BMPER: variants seen among roughly 807,000 people sequenced by gnomAD.
The protein encoded by BMPER is BMP binding endothelial regulator.
Under a neutral mutation model 87.3 loss-of-function variants are expected in BMPER, and 45 were observed. The observed-to-expected ratio is 0.52, with a 90% CI of 0.41 to 0.66. The LOEUF (loss-of-function observed/expected upper bound fraction) is 0.66, where lower values mean the gene tolerates loss of function less well. BMPER is among the 30% of genes least tolerant of loss of function. The pLI is 0.00. For synonymous variants in BMPER, 326 were observed against 316.2 expected, an observed-to-expected ratio of 1.03 and a Z score of -0.33; for missense variants, 784 against 867.5, an observed-to-expected ratio of 0.90 and a Z score of 1.21.
intron 3 of BMPER, among the ~76,000 whole-genome samples, chr7:33,940,945 T>A (rs1430696561): frequency 7.3e-6 from 1 of 136,998 alleles, no homozygotes; most frequent in Non-Finnish European, 1.5e-5. Context: ...AATTTATATA[T>A]GTAACATATA....
intron 10 of BMPER, among the ~76,000 whole-genome samples, chr7:34,059,744 GAAAAA>G (rs76980222): frequency 3.1e-4 from 40 of 127,046 alleles, no homozygotes; most frequent in African/African-American, 1.0e-3. Flanking sequence ...GGAAATTTTG[GAAAAA>G]AAAAAAAAAA....
chr7:34,095,908 T>C (rs1789517975), intron 13 of BMPER, among the ~76,000 whole-genome samples: 1 of 151,956 alleles, frequency 6.6e-6, no homozygotes, highest in African/African-American at 2.4e-5. Flanking sequence ...TGGCAAAGGA[T>C]CTAACGCTTC....
intron 6 of BMPER, among the ~76,000 whole-genome samples, chr7:33,991,744 G>T (rs1203966830): frequency 6.7e-6 from 1 of 149,890 alleles, no homozygotes; most frequent in African/African-American, 2.5e-5. Flanking sequence ...GCCTTCTCTT[G>T]TGGGCATTTA....
intron 9 of BMPER, 68 bp downstream of exon 9, chr7:34,055,371 C>G (rs1788256101): frequency 6.3e-7 from 1 of 1,595,724 alleles, no homozygotes; most frequent in Non-Finnish European, 8.6e-7. Context: ...GCTCCAGACA[C>G]TAGGCAGATT....
In BMPER at chr7:33,963,995, T is replaced by C. The variant is rs138256563; in HGVS notation, c.320-2484T>C. ...TTGTCTGTTTACCCTATTAGCAGCA[T>C]AAAGTTGGTGGCAAATAGAATTAAT... On this transcript the variant is annotated intron_variant, in intron 3 of 14. Coordinates refer to ENST00000649409, the MANE Select transcript of BMPER (RefSeq NM_001365308.1). 4.3e-4 allele frequency among the ~76,000 whole-genome samples: 65 copies of C among 152,294 alleles called. 2 individuals are homozygous for C. In the East Asian group the frequency reaches 0.012, roughly 29 times the overall value.
At chr7:34,112,446 A>G (rs1259330588) in intron 13 of BMPER, among the ~76,000 whole-genome samples, 4 of 132,638 alleles carry the variant, frequency 3.0e-5, no homozygotes, top group Non-Finnish European at 6.2e-5. Context: ...CAGTGAGCCG[A>G]GAGACGCCAC....
At chr7:33,929,783 C>A (rs558788827) in intron 2 of BMPER, among the ~76,000 whole-genome samples, 10 of 152,292 alleles carry the variant, frequency 6.6e-5, no homozygotes, top group African/African-American at 2.2e-4. Context: ...GGCTTGTTTG[C>A]AAGGGTTAAA....
At chr7:34,127,155 G>A (rs1023972089) in intron 13 of BMPER, among the ~76,000 whole-genome samples, 2 of 152,214 alleles carry the variant, frequency 1.3e-5, no homozygotes, top group African/African-American at 4.8e-5. Context: ...TGGTAAGAGA[G>A]AGTGAGAGAA....
intron 6 of BMPER, among the ~76,000 whole-genome samples, chr7:34,038,788 C>T (rs966302468): frequency 6.6e-6 from 1 of 152,142 alleles, no homozygotes; most frequent in Non-Finnish European, 1.5e-5. Flanking sequence ...TCGAGCTTTG[C>T]TGACATGTTC....
intron 12 of BMPER, 86 bp downstream of exon 12, chr7:34,079,272 A>T (rs1788950620): frequency 6.4e-7 from 1 of 1,557,346 alleles, no homozygotes; most frequent in Admixed American, 1.7e-5. Context: ...CACTCAGGAG[A>T]TGTGGTTCCT....
At chr7:34,038,508 A>G (rs1475229950) in intron 6 of BMPER, among the ~76,000 whole-genome samples, 5 of 152,178 alleles carry the variant, frequency 3.3e-5, no homozygotes, top group African/African-American at 1.2e-4. Flanking sequence ...GTTTTAAGAC[A>G]CTCCATTTGT....
At chr7:34,124,208 T>G (rs1790337851) in intron 13 of BMPER, among the ~76,000 whole-genome samples, 1 of 152,220 alleles carries the variant, frequency 6.6e-6, no homozygotes, top group Admixed American at 6.5e-5. Context: ...TAGGTACATC[T>G]TCTCCCATGA....
At chr7:33,972,553 C>G (rs1785575762) in intron 5 of BMPER, among the ~76,000 whole-genome samples, 1 of 152,114 alleles carries the variant, frequency 6.6e-6, no homozygotes, top group African/African-American at 2.4e-5. Flanking sequence ...CAAGAAGAAA[C>G]TAGGCCCACC....
intron 2 of BMPER, among the ~76,000 whole-genome samples, chr7:33,936,217 G>A (rs761820007): frequency 6.6e-6 from 1 of 152,142 alleles, no homozygotes; most frequent in Non-Finnish European, 1.5e-5. Flanking sequence ...TAATACATAT[G>A]CCAAGAGAGT....
intron 11 of BMPER, among the ~76,000 whole-genome samples, chr7:34,075,206 C>T (rs1009173213): frequency 1.3e-5 from 2 of 152,122 alleles, no homozygotes; most frequent in East Asian, 1.9e-4. Flanking sequence ...TCTTATTTCT[C>T]ATAGCAATCT....
intron 13 of BMPER, among the ~76,000 whole-genome samples, chr7:34,128,497 G>A (rs1218053383): frequency 6.6e-6 from 1 of 152,134 alleles, no homozygotes; most frequent in Non-Finnish European, 1.5e-5. Flanking sequence ...ATTTTAAAAA[G>A]GAAAATAATG....
chr7:33,922,010 A>G, intron 2 of BMPER: 1 of 350,782 alleles, frequency 2.9e-6, no homozygotes, highest in Non-Finnish European at 5.7e-6. Context: ...CTCGTGCAGA[A>G]TAAAGCCATT....
rs748610477 is a variant in BMPER at position 33,974,736 on chromosome 7, G to A, written c.528G>A (p.Gly176=). 6.2e-7 allele frequency: 1 copy of A among 1,614,036 alleles called. No individual in the cohort carries two copies. The highest frequency in any genetic ancestry group is 1.1e-5 in the South Asian group (1 of 91,070). The stretch of plus-strand genomic sequence containing the variant: ...TTGAGGGTGTGCAGTATCAAGAAGG[G>A]GAGGAATTTCAGCCAGAAGGAAGCA... ...CVFEGVQYQE[G]EEFQPEGSKC... Residue 176 remains glycine, a synonymous_variant, in exon 6 of 15, where the codon GGG becomes GGA. Transcript: ENST00000649409.
At chr7:33,959,360 T>C (rs1432350346) in intron 3 of BMPER, among the ~76,000 whole-genome samples, 1 of 152,212 alleles carries the variant, frequency 6.6e-6, no homozygotes, top group Non-Finnish European at 1.5e-5. Flanking sequence ...AGGTGGCTTT[T>C]AGTGACATTT....
Sources: gnomAD v4.1 joint callset for allele counts (sites outside exome capture counted in the v4.1 genomes callset) on GRCh38, gnomAD v4.1.1 for gene constraint, MANE v1.5 for transcripts, NCBI Gene and HGNC (gene_info 2026-07-23, HGNC 2026-07-21) for gene names.